Variants in TMEM232 observed in about 807,000 individuals in gnomAD.
TMEM232 encodes transmembrane protein 232.
A neutral mutation model predicts 78.8 loss-of-function variants in TMEM232; 80 were observed. That is an observed-to-expected ratio of 1.01 (90% CI 0.85 to 1.22). The LOEUF (loss-of-function observed/expected upper bound fraction) is 1.22, where lower values mean the gene tolerates loss of function less well. Ranked by LOEUF, TMEM232 falls within the 50% of genes most tolerant of loss-of-function variation. The probability of loss-of-function intolerance (pLI) is 0.00; values close to 1 mark genes in which losing one functional copy is unlikely to be tolerated. For missense variants in TMEM232, 881 were observed against 742.2 expected (o/e 1.19, Z -2.17); for synonymous variants, 297 against 254.3 (o/e 1.17, Z -1.60).
intron 2 of TMEM232, among the ~76,000 whole-genome samples, chr5:110,646,838 GC>G (rs1289040596): frequency 6.6e-6 from 1 of 151,584 alleles, no homozygotes; most frequent in Admixed American, 6.6e-5. Flanking sequence ...TAAATCAATA[GC>G]CAAAAAGAAA....
intron 1 of TMEM232, among the ~76,000 whole-genome samples, chr5:110,704,488 C>A (rs1390829353): frequency 6.6e-6 from 1 of 152,008 alleles, no homozygotes; most frequent in East Asian, 1.9e-4. Flanking sequence ...GTACTCATGT[C>A]AATTTTTTTA....
At chr5:110,542,517 T>C (rs1373330017) in intron 11 of TMEM232, among the ~76,000 whole-genome samples, 2 of 152,048 alleles carry the variant, frequency 1.3e-5, no homozygotes, top group East Asian at 1.9e-4. Context: ...CTGTCTTCAT[T>C]AGACAGAGCA....
intron 4 of TMEM232, among the ~76,000 whole-genome samples, chr5:110,639,936 C>A (rs1316872312): frequency 1.3e-5 from 2 of 152,170 alleles, no homozygotes; most frequent in Non-Finnish European, 2.9e-5. Context: ...GCCTGTTGTG[C>A]GGCCCAATTC....
At chr5:110,723,776 A>C (rs760361256) in intron 1 of TMEM232, among the ~76,000 whole-genome samples, 5 of 152,190 alleles carry the variant, frequency 3.3e-5, no homozygotes, top group Non-Finnish European at 7.4e-5. Context: ...CTTTGCAACT[A>C]TGAGTTCTAG....
In TMEM232 at chr5:110,388,070, AGAG is replaced by A. The variant is rs572464535; in HGVS notation, n.616-20_616-18del. 1.6e-4 allele frequency: 25 copies of A among 152,232 alleles called. No homozygotes were observed. The East Asian group carries it at 4.8e-3, about 29-fold the overall frequency. The allele number at this position is 152,232 out of a possible 1,614,324, so 9.4% of individuals were successfully genotyped here. On this transcript the variant is annotated intron_variant and non_coding_transcript_variant, in intron 4 of 8. Transcript: ENST00000507188. ...AAGTTTAATCTGTAAAAGAAAGGAG[AGAG>A]GAGAGCAGCTCTCTCACGGGTGCAC...
rs375216266 is a variant in TMEM232, at chr5:110,487,674, G to T, written c.1703+40914C>A. On this transcript the variant is annotated intron_variant, in intron 12 of 13. Coordinates refer to ENST00000455884, the MANE Select transcript of TMEM232 (RefSeq NM_001039763.4). The stretch of plus-strand genomic sequence containing the variant: ...GTATAAAACCCACTTGATGATGGTG[G>T]ATTATCTTTTTGATATGTTGTTGGA... Among the ~76,000 whole-genome samples, 182 of 152,124 alleles carry T rather than the reference G, an allele frequency of 1.2e-3. 3 individuals carry two copies. The South Asian group carries it at 0.036, about 30-fold the overall frequency.
At chr5:110,556,202 G>T (rs552178656) in intron 11 of TMEM232, among the ~76,000 whole-genome samples, 57 of 151,968 alleles carry the variant, frequency 3.8e-4, no homozygotes, top group African/African-American at 1.4e-3. Flanking sequence ...CTTAGTATTC[G>T]CTTGTTTGAA....
At chr5:110,681,933 C>T (rs2150184509) in intron 1 of TMEM232, among the ~76,000 whole-genome samples, 1 of 152,258 alleles carries the variant, frequency 6.6e-6, no homozygotes, top group East Asian at 1.9e-4. Flanking sequence ...ACAACAGTAG[C>T]ATATTTCATG....
chr5:110,596,442 G>C (rs1460416950), intron 10 of TMEM232, among the ~76,000 whole-genome samples: 2 of 152,138 alleles, frequency 1.3e-5, no homozygotes, highest in Non-Finnish European at 2.9e-5. Flanking sequence ...GGTACAAAGA[G>C]GAACTGGTAC....
At chr5:110,546,890 C>T (rs931555759) in intron 11 of TMEM232, among the ~76,000 whole-genome samples, 12 of 151,332 alleles carry the variant, frequency 7.9e-5, no homozygotes, top group African/African-American at 2.4e-4. Context: ...AATATAAGAA[C>T]ATTTAGAAAT....
chr5:110,393,354 T>A (rs1755272118), intron 3 of TMEM232, among the ~76,000 whole-genome samples: 1 of 152,196 alleles, frequency 6.6e-6, no homozygotes, highest in African/African-American at 2.4e-5. Context: ...GCATAAACAT[T>A]AAATTGTCCT....
At chr5:110,730,723 C>T (rs533184009), upstream of TMEM232, among the ~76,000 whole-genome samples, 2 of 152,220 alleles carry the variant, frequency 1.3e-5, no homozygotes, top group African/African-American at 4.8e-5. Flanking sequence ...GAAAGACTGG[C>T]CCCCATGATT....
chr5:110,469,173 C>A (rs1762400970), intron 12 of TMEM232, among the ~76,000 whole-genome samples: 1 of 151,964 alleles, frequency 6.6e-6, no homozygotes, highest in South Asian at 2.1e-4. Flanking sequence ...AAACAAACAG[C>A]CAATACTGTG....
intron 10 of TMEM232, among the ~76,000 whole-genome samples, chr5:110,579,776 A>T (rs139226532): frequency 0.024 from 3,680 of 151,718 alleles, 47 homozygotes; most frequent in African/African-American, 0.032. Context: ...GAGAGACAAA[A>T]ATAAAACATG....
intron 1 of TMEM232, among the ~76,000 whole-genome samples, chr5:110,726,103 C>G (rs1002372470): frequency 1.4e-4 from 19 of 132,448 alleles, no homozygotes; most frequent in Non-Finnish European, 2.7e-4. Flanking sequence ...ACCCCCCTCT[C>G]TCTTTCACAC....
intron 10 of TMEM232, among the ~76,000 whole-genome samples, chr5:110,599,811 G>A (rs1323314929): frequency 6.6e-6 from 1 of 152,116 alleles, no homozygotes; most frequent in Non-Finnish European, 1.5e-5. Flanking sequence ...TCTGGACCAA[G>A]TGGACCTAAT....
intron 10 of TMEM232, among the ~76,000 whole-genome samples, chr5:110,603,866 T>G (rs1781243030): frequency 6.6e-6 from 1 of 152,106 alleles, no homozygotes; most frequent in South Asian, 2.1e-4. Context: ...AGTGAGCAAG[T>G]TTTTGAGAAT....
At chr5:110,641,033 G>A (rs925331427) in intron 3 of TMEM232, 37 bp from the exon 4 acceptor site, 3 of 1,286,816 alleles carry the variant, frequency 2.3e-6, no homozygotes, top group African/African-American at 1.6e-5. Context: ...AAATCAAAAT[G>A]TACATATTTT....
chr5:110,549,547 A>G (rs1365532041), intron 11 of TMEM232, among the ~76,000 whole-genome samples: 1 of 141,544 alleles, frequency 7.1e-6, no homozygotes, highest in Admixed American at 7.2e-5. Flanking sequence ...CACAGGGTAT[A>G]GTGAGTCATG....
Sources: allele counts gnomAD v4.1 joint callset (sites outside exome capture counted in the v4.1 genomes callset), GRCh38; gene constraint gnomAD v4.1.1; transcripts MANE v1.5; gene names NCBI Gene and HGNC (gene_info 2026-07-23, HGNC 2026-07-21).